STK25: variants seen among roughly 807,000 people sequenced by gnomAD.
STK25 encodes the protein serine/threonine-protein kinase 25.
STK25 carries 29 observed loss-of-function variants against 53.8 expected under a neutral mutation model. That is an observed-to-expected ratio of 0.54 (90% confidence interval 0.40 to 0.74). The LOEUF (loss-of-function observed/expected upper bound fraction) is 0.74. STK25 is among the 30% of genes least tolerant of loss of function. The probability of loss-of-function intolerance (pLI) is 0.00; values close to 1 mark genes in which losing one functional copy is unlikely to be tolerated. For missense variants in STK25, 420 were observed against 568.0 expected, an observed-to-expected ratio of 0.74 and a Z score of 2.65; for synonymous variants, 247 against 238.3, an observed-to-expected ratio of 1.04 and a Z score of -0.33.
intron 8 of STK25, 51 bp downstream of exon 8, chr2:241,498,588 C>T (rs756529841): frequency 6.4e-7 from 1 of 1,570,258 alleles, no homozygotes; most frequent in Non-Finnish European, 8.6e-7. Flanking sequence ...GAGTGGGGAC[C>T]ACCCACGTCA....
At chr2:241,508,232 C>T in intron 1 of STK25, 97 bp from the exon 2 acceptor site, 2 of 1,311,074 alleles carry the variant, frequency 1.5e-6, no homozygotes, top group Non-Finnish European at 1.9e-6. Context: ...GCCCAGGAGA[C>T]CCCCCAGGCC....
chr2:241,501,045 CA>C lies in STK25; in HGVS notation c.262-250del. On this transcript the variant is annotated intron_variant, in intron 3 of 11. Transcript: ENST00000316586. This position sits in a 1 kb window ranked among gnomAD's most constrained non-coding sequence, Gnocchi z 5.3. ...TGACTCCACTTCACCAAGACCCCAT[CA>C]AAAACCAGGCTGCTGATCCAGTCCT... is the stretch of plus-strand genomic sequence containing the variant. 1.7e-6 allele frequency: 1 copy of C among 582,592 alleles called. No individual in the cohort carries two copies. Among genetic ancestry groups the C allele is most frequent in the Non-Finnish European group, 3.1e-6 (1 of 326,664 alleles). 36.1% of individuals were successfully genotyped at this position (582,592 alleles called of 1,614,324 possible).
chr2:241,500,015 G>A, intron 5 of STK25, 158 bp downstream of exon 5: 2 of 709,658 alleles, frequency 2.8e-6, no homozygotes, highest in Non-Finnish European at 2.6e-6. Flanking sequence ...CTTCTGGAAA[G>A]GGAGCGAGAC....
intron 11 of STK25, 33 bp from the exon 12 acceptor site, chr2:241,495,734 G>A (rs1490040288): frequency 6.2e-7 from 1 of 1,613,240 alleles, no homozygotes; most frequent in Non-Finnish European, 8.5e-7. Flanking sequence ...CTGCGTGCGT[G>A]CACCTCTGTG....
chr2:241,498,115 G>A, intron 9 of STK25, 120 bp downstream of exon 9: 1 of 945,528 alleles, frequency 1.1e-6, no homozygotes, highest in Non-Finnish European at 1.7e-6. Context: ...GACCACCCCT[G>A]CCTTTCCCAA....
intron 3 of STK25, 67 bp from the exon 4 acceptor site, chr2:241,500,863 C>G (rs571795687): frequency 4.5e-6 from 7 of 1,557,480 alleles, no homozygotes; most frequent in Non-Finnish European, 3.5e-6. Flanking sequence ...GGGTGGGAGT[C>G]ACAGGCCGGA....
chr2:241,504,132 G>T (rs1348792143), intron 2 of STK25: 1 of 471,006 alleles, frequency 2.1e-6, no homozygotes, highest in Admixed American at 2.3e-5. Context: ...AGGGCCAGAG[G>T]CCACCTAACC....
intron 2 of STK25, among the ~76,000 whole-genome samples, chr2:241,506,068 C>T (rs974837954): frequency 1.3e-5 from 2 of 152,236 alleles, no homozygotes; most frequent in Non-Finnish European, 2.9e-5. Flanking sequence ...TGCTCTGGCA[C>T]CCCACAGCCA....
Position 241,499,438 on chromosome 2 carries a change from C to CAT in STK25, c.428-25_428-24insAT, listed in dbSNP as rs1300867058. 5 of 1,608,714 alleles carry CAT rather than the reference C, an allele frequency of 3.1e-6. No homozygotes were observed. The African/African-American group carries it at 6.7e-5, about 21-fold the overall frequency. The stretch of plus-strand genomic sequence containing the variant: ...AGCTGCTTGACACAGGACAGGCAGG[C>CAT]GTCATCCCAGGCTCCACGTGGCTCC... On this transcript the variant is annotated intron_variant, in intron 5 of 11. Coordinates refer to ENST00000316586, the MANE Select transcript of STK25 (RefSeq NM_001271977.2).
chr2:241,492,991 GGTC>G lies in STK25; in HGVS notation c.*2668_*2670del. 4 of 1,612,554 alleles carry G rather than the reference GGTC, an allele frequency of 2.5e-6. No homozygotes were observed. Among genetic ancestry groups the G allele is most frequent in the Non-Finnish European group, 3.4e-6 (4 of 1,178,656 alleles). On this transcript the variant is annotated 3_prime_UTR_variant, in exon 12 of 12. Coordinates refer to ENST00000316586, the MANE Select transcript of STK25 (RefSeq NM_001271977.2). Reference sequence around the variant, plus strand: ...ACAGTCATGGCTGGCAGAAGCTCTGGGTCGTCTTTACCAACTTCTGTTTGTTCT... The same window carrying G: ...ACAGTCATGGCTGGCAGAAGCTCTGGGTCTTTACCAACTTCTGTTTGTTCT...
chr2:241,498,631 G>A lies in STK25; in HGVS notation c.917+8C>T, dbSNP rs773345112. The A allele has an allele frequency of 5.0e-6, 8 of 1,610,940 alleles. No individual in the cohort carries two copies. Among genetic ancestry groups the A allele is most frequent in the Non-Finnish European group, 3.4e-6 (4 of 1,178,326 alleles). On this transcript the variant is annotated splice_region_variant and intron_variant, in intron 8 of 11. Transcript: ENST00000316586. ...TAGGGTCACCATGAGGATAAACCAG[G>A]TCCCTACATGTCAGAGTCCTCAGAG...
chr2:241,493,382 C>G lies in STK25; in HGVS notation c.*2280G>C, dbSNP rs754098632. On this transcript the variant is annotated 3_prime_UTR_variant, in exon 12 of 12. Transcript: ENST00000316586. ...ATGGCATACACAAAGACTATGTTTTCAAGCTCCAGTTCAAATCCCACGTCT... is the reference window on the plus strand; with the variant it reads ...ATGGCATACACAAAGACTATGTTTTGAAGCTCCAGTTCAAATCCCACGTCT... 6.2e-7 allele frequency: 1 copy of G among 1,614,002 alleles called. No homozygotes were observed. Among genetic ancestry groups the G allele is most frequent in the Non-Finnish European group, 8.5e-7 (1 of 1,179,988 alleles).
rs748768009 is a variant in STK25 at position 241,498,247 on chromosome 2, G to A, written c.1020C>T (p.His340=). 1 of 1,612,746 alleles carries A rather than the reference G, an allele frequency of 6.2e-7. No homozygotes were observed. Among genetic ancestry groups the A allele is most frequent in the South Asian group, 1.1e-5 (1 of 91,050 alleles). ...HSKLHKGTAL[H]SSQKPAEPVK... is the part of the protein sequence containing the mutation. ...GCCAGGAACAGACCTTCTGTGAACT[G>A]TGCAGGGCCGTCCCCTTGTGAAGCT... Residue 340 remains histidine, a synonymous_variant, in exon 9 of 12, where the codon CAC becomes CAT. Coordinates refer to ENST00000316586, the MANE Select transcript of STK25 (RefSeq NM_001271977.2).
Position 241,496,028 on chromosome 2 carries a change from T to C in STK25, c.1242-327A>G, listed in dbSNP as rs2065133282. Among the ~76,000 whole-genome samples the C allele has an allele frequency of 2.6e-5, 4 of 152,164 alleles. No individual in the cohort carries two copies. Among genetic ancestry groups the C allele is most frequent in the Admixed American group, 2.6e-4 (4 of 15,282 alleles). On this transcript the variant is annotated intron_variant, in intron 11 of 11. Coordinates refer to ENST00000316586, the MANE Select transcript of STK25 (RefSeq NM_001271977.2). The surrounding 1 kb of genome is among the most constrained non-coding windows in gnomAD (Gnocchi z 5.8). ...CCTGCCCTGTCTCTTTGCTAAGGAC[T>C]CGAGTCAGCACAGGGGCAGCTCTGA...
At chr2:241,509,249 C>T (rs913305880), upstream of STK25, 2 of 152,396 alleles carry the variant, frequency 1.3e-5, no homozygotes, top group Admixed American at 6.5e-5. Flanking sequence ...ATAGGACGTC[C>T]TTGGTCACAC....
chr2:241,494,281 G>A lies in STK25; in HGVS notation c.*1381C>T. 4.6e-6 allele frequency: 2 copies of A among 431,500 alleles called. No individual in the cohort carries two copies. Among genetic ancestry groups the A allele is most frequent in the Middle Eastern group, 4.9e-4 (1 of 2,034 alleles). The allele number at this position is 431,500 out of a possible 1,614,324, so 26.7% of individuals were successfully genotyped here. On this transcript the variant is annotated 3_prime_UTR_variant, in exon 12 of 12. Transcript: ENST00000316586. The surrounding 1 kb of genome is among the most constrained non-coding windows in gnomAD (Gnocchi z 4.9). ...TGGGTGGGCCTCATGTAACATCTGG[G>A]AGGGGCTTCATCCCCCCACCCAGGA...
At chr2:241,499,520 G>T in intron 5 of STK25, 106 bp from the exon 6 acceptor site, 1 of 1,426,074 alleles carries the variant, frequency 7.0e-7, no homozygotes, top group Non-Finnish European at 9.4e-7. Context: ...CTAGGGCACA[G>T]CAGGGCTGTC....
intron 2 of STK25, 129 bp downstream of exon 2, chr2:241,507,877 T>C: frequency 1.0e-6 from 1 of 967,584 alleles, no homozygotes; most frequent in Non-Finnish European, 1.6e-6. Flanking sequence ...GCTCCGCTGG[T>C]CGCACGACGC....
At chr2:241,498,887 A>C in intron 7 of STK25, 102 bp downstream of exon 7, 1 of 1,606,712 alleles carries the variant, frequency 6.2e-7, no homozygotes, top group South Asian at 1.1e-5. Context: ...TCACAGCTAC[A>C]AGGCTGGTGG....
Sources: allele counts gnomAD v4.1 joint callset (sites outside exome capture counted in the v4.1 genomes callset), GRCh38; gene constraint gnomAD v4.1.1; non-coding constraint Gnocchi (gnomAD v3.1); transcripts MANE v1.5; gene names NCBI Gene and HGNC (gene_info 2026-07-23, HGNC 2026-07-21).